The following SORCS3 variants were observed in gnomAD, a reference collection of about 807,000 sequenced individuals.
SORCS3 encodes sortilin related VPS10 domain containing receptor 3.
SORCS3 carries 57 observed loss-of-function variants against 146.3 expected under a neutral mutation model. The observed-to-expected ratio is 0.39, with a 90% confidence interval of 0.31 to 0.49. SORCS3 has a LOEUF of 0.49. Among genes scored for constraint, SORCS3 ranks in the 20% least tolerant of loss-of-function variants. The probability of loss-of-function intolerance (pLI) is 0.92; values close to 1 mark genes in which losing one functional copy is unlikely to be tolerated. For missense variants in SORCS3, 1,341 were observed against 1,575.5 expected (o/e 0.85, Z 2.52); for synonymous variants, 653 against 618.5 (o/e 1.06, Z -0.83).
chr10:104,806,458 A>G (rs1231711147), intron 1 of SORCS3, among the ~76,000 whole-genome samples: 1 of 152,212 alleles, frequency 6.6e-6, no homozygotes, highest in African/African-American at 2.4e-5. Context: ...AATCAAAACA[A>G]TTGCTTTGGA....
At chr10:104,900,912 CG>C (rs1005951757) in intron 2 of SORCS3, among the ~76,000 whole-genome samples, 3 of 102,828 alleles carry the variant, frequency 2.9e-5, no homozygotes, top group African/African-American at 1.2e-4. Context: ...GGGAGGGGGG[CG>C]GGGAAAGAAC....
chr10:105,117,826 A>G (rs992366208), intron 7 of SORCS3, among the ~76,000 whole-genome samples: 4 of 152,198 alleles, frequency 2.6e-5, no homozygotes, highest in South Asian at 4.1e-4. Flanking sequence ...TATCTAGACT[A>G]TGCCTCTCAA....
At chr10:104,869,936 C>A (rs767287729) in intron 2 of SORCS3, among the ~76,000 whole-genome samples, 4 of 152,206 alleles carry the variant, frequency 2.6e-5, no homozygotes, top group Non-Finnish European at 5.9e-5. Context: ...ACCTTGGTTT[C>A]CTCATTGTCA....
At chr10:104,751,082 A>G (rs993781657) in intron 1 of SORCS3, among the ~76,000 whole-genome samples, 1 of 152,208 alleles carries the variant, frequency 6.6e-6, no homozygotes, top group Non-Finnish European at 1.5e-5. Context: ...AGGGCAAAAA[A>G]GAGACATTAT....
At chr10:104,964,579 A>T (rs1027115313) in intron 3 of SORCS3, among the ~76,000 whole-genome samples, 17 of 152,186 alleles carry the variant, frequency 1.1e-4, no homozygotes, top group African/African-American at 4.1e-4. Context: ...AGAGCCTGGC[A>T]TGGAGTAAGG....
At position 105,134,028 on chromosome 10, in the gene SORCS3, A is replaced by G. The variant is rs539590075; in HGVS notation, c.1213-5369A>G. Among the ~76,000 whole-genome samples the G allele has an allele frequency of 7.2e-5, 11 of 152,326 alleles. 1 individual carries two copies. The highest frequency in any genetic ancestry group is 4.1e-4 in the South Asian group (2 of 4,822). On this transcript the variant is annotated intron_variant, in intron 7 of 26. Coordinates refer to ENST00000369701, the MANE Select transcript of SORCS3 (RefSeq NM_014978.3). Reference sequence around the variant, plus strand: ...TCCGGGAATGCAAGGAAACAAAACCATAGACATGCATGTCAATTACAGAGA... The same window carrying G: ...TCCGGGAATGCAAGGAAACAAAACCGTAGACATGCATGTCAATTACAGAGA...
chr10:104,834,997 T>C (rs1350913857), intron 1 of SORCS3, among the ~76,000 whole-genome samples: 1 of 152,068 alleles, frequency 6.6e-6, no homozygotes, highest in Non-Finnish European at 1.5e-5. Context: ...TTTTGTAAAA[T>C]TTCTTGCATC....
intron 1 of SORCS3, among the ~76,000 whole-genome samples, chr10:104,751,153 A>G (rs1357323612): frequency 6.6e-6 from 1 of 152,168 alleles, no homozygotes; most frequent in Non-Finnish European, 1.5e-5. Flanking sequence ...TGTTTAATGC[A>G]GTATGAGATT....
chr10:104,906,668 T>C (rs1421327750), intron 2 of SORCS3, among the ~76,000 whole-genome samples: 1 of 152,224 alleles, frequency 6.6e-6, no homozygotes, highest in Admixed American at 6.5e-5. Flanking sequence ...TCCTTGACTC[T>C]GAAATGAATC....
intron 13 of SORCS3, among the ~76,000 whole-genome samples, chr10:105,174,874 G>T (rs1358174383): frequency 1.3e-5 from 2 of 152,078 alleles, no homozygotes; most frequent in East Asian, 3.9e-4. Context: ...TCTCAATACT[G>T]GAAGGCTGCG....
rs1477852247 is a variant in SORCS3 at position 104,735,997 on chromosome 10, AG to A, written c.627+94044del. On this transcript the variant is annotated intron_variant, in intron 1 of 26. Transcript: ENST00000369701. ...CTCTTTTCTTTTTCTTCTTCTTTTTAGTAGCAGAATGAGGCTCAGTTGAACT... is the reference window on the plus strand; with the variant it reads ...CTCTTTTCTTTTTCTTCTTCTTTTTATAGCAGAATGAGGCTCAGTTGAACT... Among the ~76,000 whole-genome samples, 5 of 152,232 alleles carry A rather than the reference AG, an allele frequency of 3.3e-5. No individual in the cohort carries two copies. In the East Asian group the frequency reaches 9.7e-4, roughly 29 times the overall value.
chr10:105,031,183 C>T (rs2055264066), intron 4 of SORCS3, among the ~76,000 whole-genome samples: 1 of 151,864 alleles, frequency 6.6e-6, no homozygotes, highest in South Asian at 2.1e-4. Context: ...CCTGTAATCC[C>T]AGCTACTCTG....
At position 104,855,215 on chromosome 10, in the gene SORCS3, C is replaced by T. The variant is rs1329746786; in HGVS notation, c.695+12356C>T. The stretch of plus-strand genomic sequence containing the variant: ...TCCATTCCTCTGCCAGTACCATCCT[C>T]TTCATATTATAGTGATATGGTAAGC... On this transcript the variant is annotated intron_variant, in intron 2 of 26. Transcript: ENST00000369701. Among the ~76,000 whole-genome samples the T allele has an allele frequency of 1.3e-5, 2 of 152,166 alleles. 1 individual carries two copies. Among genetic ancestry groups the T allele is most frequent in the African/African-American group, 4.8e-5 (2 of 41,438 alleles).
chr10:104,662,170 A>G (rs1241044349), intron 1 of SORCS3, among the ~76,000 whole-genome samples: 1 of 152,206 alleles, frequency 6.6e-6, no homozygotes, highest in African/African-American at 2.4e-5. Context: ...TTGATGTTGA[A>G]ATCAGGATAT....
intron 1 of SORCS3, among the ~76,000 whole-genome samples, chr10:104,720,204 C>T (rs563048874): frequency 6.6e-6 from 1 of 151,966 alleles, no homozygotes; most frequent in Non-Finnish European, 1.5e-5. Context: ...TCAGTTCCCA[C>T]CTATGAGTGA....
At chr10:104,818,888 G>A (rs1419877605) in intron 1 of SORCS3, among the ~76,000 whole-genome samples, 1 of 152,102 alleles carries the variant, frequency 6.6e-6, no homozygotes, top group East Asian at 1.9e-4. Flanking sequence ...GCATGACCGT[G>A]TGGGACTTTT....
chr10:104,792,405 C>T (rs982372993), intron 1 of SORCS3, among the ~76,000 whole-genome samples: 1 of 152,180 alleles, frequency 6.6e-6, no homozygotes, highest in Non-Finnish European at 1.5e-5. Context: ...TCTTCAGAAC[C>T]ACATTGTTGG....
chr10:105,038,426 A>G lies in SORCS3; in HGVS notation c.955-4629A>G, dbSNP rs115319873. ...CATTGTCCTATTTTTGGAAAATTCA[A>G]TATTGCTTTATCTAATTCCAGTTTC... On this transcript the variant is annotated intron_variant, in intron 4 of 26. Transcript: ENST00000369701. Among the ~76,000 whole-genome samples the G allele has an allele frequency of 8.5e-3, 1,300 of 152,322 alleles. 16 individuals carry two copies. Among genetic ancestry groups the G allele is most frequent in the African/African-American group, 0.029 (1,215 of 41,568 alleles).
intron 6 of SORCS3, among the ~76,000 whole-genome samples, chr10:105,096,010 C>G (rs2133746193): frequency 6.6e-6 from 1 of 152,082 alleles, no homozygotes; most frequent in South Asian, 2.1e-4. Flanking sequence ...TATGTTTGTT[C>G]ATTGGTTCAC....
Sources: gnomAD v4.1 joint callset for allele counts (sites outside exome capture counted in the v4.1 genomes callset) on GRCh38, gnomAD v4.1.1 for gene constraint, MANE v1.5 for transcripts, NCBI Gene and HGNC (gene_info 2026-07-23, HGNC 2026-07-21) for gene names.